Variants in OPCML observed in about 807,000 individuals in gnomAD.
OPCML encodes the protein opioid binding protein/cell adhesion molecule like.
In OPCML, 13 loss-of-function variants were observed where a neutral mutation model predicts 37.8. The ratio of observed to expected loss-of-function variants is 0.34; its 90% CI spans 0.22 to 0.55. The LOEUF is 0.55. Ranked by LOEUF, OPCML falls within the 20% of genes least tolerant of loss-of-function variation. The probability of loss-of-function intolerance (pLI) is 0.91; values close to 1 mark genes in which losing one functional copy is unlikely to be tolerated. For synonymous variants in OPCML, 176 were observed against 168.8 expected (o/e 1.04, Z -0.33); for missense variants, 341 against 435.6 (o/e 0.78, Z 1.93).
At chr11:133,502,564 A>G (rs1376347522) in intron 1 of OPCML, among the ~76,000 whole-genome samples, 1 of 152,200 alleles carries the variant, frequency 6.6e-6, no homozygotes, top group Non-Finnish European at 1.5e-5. Context: ...GCCTCTAAAC[A>G]TATACCTGTA....
chr11:133,010,330 T>C (rs1947191796), intron 1 of OPCML, among the ~76,000 whole-genome samples: 1 of 152,228 alleles, frequency 6.6e-6, no homozygotes, highest in Non-Finnish European at 1.5e-5. Flanking sequence ...TTGTCATTAT[T>C]AGATAAATGG....
rs547806320 is a variant in OPCML at position 132,543,225 on chromosome 11, T to C, written c.380-14039A>G. Reference sequence around the variant, plus strand: ...ATATAATTTTTAAACTATAAAATGGTATAGAACCAGGAGTGGTGGCTCACA... The same window carrying C: ...ATATAATTTTTAAACTATAAAATGGCATAGAACCAGGAGTGGTGGCTCACA... On this transcript the variant is annotated intron_variant, in intron 3 of 7. Transcript: ENST00000524381. Among the ~76,000 whole-genome samples, 41 of 152,322 alleles carry C rather than the reference T, an allele frequency of 2.7e-4. 1 individual carries two copies. The South Asian group carries it at 8.1e-3, about 30-fold the overall frequency.
chr11:132,680,331 A>G (rs532371792), intron 2 of OPCML, among the ~76,000 whole-genome samples: 2 of 152,284 alleles, frequency 1.3e-5, no homozygotes, highest in African/African-American at 2.4e-5. Flanking sequence ...TCTCTGAGTC[A>G]TCATCAGCAT....
intron 1 of OPCML, among the ~76,000 whole-genome samples, chr11:133,294,996 G>T (rs1942593633): frequency 6.6e-6 from 1 of 151,418 alleles, no homozygotes; most frequent in Non-Finnish European, 1.5e-5. Flanking sequence ...GCTAATTATT[G>T]TATTTTTAGT....
At chr11:133,340,643 T>C (rs1355846440) in intron 1 of OPCML, among the ~76,000 whole-genome samples, 1 of 142,934 alleles carries the variant, frequency 7.0e-6, no homozygotes, top group Non-Finnish European at 1.5e-5. Context: ...TGTGTGTGTG[T>C]GTGTGTAAGA....
chr11:133,026,027 G>A lies in OPCML; in HGVS notation c.62-83017C>T, dbSNP rs1048686011. 5 of 982,798 alleles carry A rather than the reference G, an allele frequency of 5.1e-6. No individual in the cohort carries two copies. In the South Asian group the frequency reaches 1.9e-4, roughly 37 times the overall value. The allele number at this position is 982,798 out of a possible 1,614,324, so 60.9% of individuals were successfully genotyped here. The stretch of plus-strand genomic sequence containing the variant: ...TGGGATTACAGACATGAGCCACCAC[G>A]CCCAGCCTAAATTTGATTTTTACTG... On this transcript the variant is annotated intron_variant, in intron 1 of 7. Coordinates refer to ENST00000524381, the MANE Select transcript of OPCML (RefSeq NM_001012393.5).
intron 1 of OPCML, among the ~76,000 whole-genome samples, chr11:133,289,920 TG>T (rs1170873522): frequency 1.3e-5 from 2 of 152,154 alleles, no homozygotes; most frequent in African/African-American, 4.8e-5. Flanking sequence ...ATTTCCCCCC[TG>T]GGCTGTTCTG....
chr11:132,718,110 A>C (rs1179580889), intron 2 of OPCML, among the ~76,000 whole-genome samples: 1 of 152,060 alleles, frequency 6.6e-6, no homozygotes, highest in Non-Finnish European at 1.5e-5. Flanking sequence ...CCAACAGCCA[A>C]CTCGGTATCT....
At position 133,408,631 on chromosome 11, in the gene OPCML, T is replaced by C. The variant is rs143058028; in HGVS notation, c.61+123633A>G. ...ACACGACACCACCCAGAGGCAGGGC[T>C]GCTCACACTCACCCCCACACTCACT... On this transcript the variant is annotated intron_variant, in intron 1 of 7. Coordinates refer to ENST00000524381, the MANE Select transcript of OPCML (RefSeq NM_001012393.5). 7.7e-4 allele frequency among the ~76,000 whole-genome samples: 117 copies of C among 151,948 alleles called. 4 individuals carry two copies. The East Asian group carries it at 0.019, about 25-fold the overall frequency.
chr11:133,182,957 G>T (rs1166935487), intron 1 of OPCML, among the ~76,000 whole-genome samples: 1 of 152,114 alleles, frequency 6.6e-6, no homozygotes, highest in Non-Finnish European at 1.5e-5. Context: ...AAACCACCAA[G>T]ATGAGGACTC....
At chr11:132,435,122 AG>A (rs1225431313) in intron 7 of OPCML, 1 of 1,176,602 alleles carries the variant, frequency 8.5e-7, no homozygotes, top group Admixed American at 2.3e-5. Context: ...ATAGGCATTC[AG>A]GCAGGCAGAG....
chr11:132,692,191 T>C (rs1368607308), intron 2 of OPCML, among the ~76,000 whole-genome samples: 1 of 151,606 alleles, frequency 6.6e-6, no homozygotes, highest in Admixed American at 6.6e-5. Flanking sequence ...GAAGATCAGG[T>C]TTGCCTTTTG....
intron 1 of OPCML, among the ~76,000 whole-genome samples, chr11:133,353,642 T>C (rs1944194544): frequency 6.6e-6 from 1 of 152,228 alleles, no homozygotes; most frequent in Non-Finnish European, 1.5e-5. Flanking sequence ...CTCACTGTCA[T>C]CTGCTCTGCC....
chr11:133,030,747 T>G (rs1283325180), intron 1 of OPCML, among the ~76,000 whole-genome samples: 1 of 152,164 alleles, frequency 6.6e-6, no homozygotes, highest in Admixed American at 6.5e-5. Context: ...TTGGAGATGA[T>G]TTCAATGCTC....
At chr11:132,890,883 A>AG (rs1943620674) in intron 2 of OPCML, among the ~76,000 whole-genome samples, 1 of 151,318 alleles carries the variant, frequency 6.6e-6, no homozygotes, top group Admixed American at 6.6e-5. Flanking sequence ...AGAAAAAAAA[A>AG]GAAAAGAAAA....
Position 132,650,737 on chromosome 11 carries a change from TAGGAGCCGAGCGC to T in OPCML, c.379+6337_379+6349del, listed in dbSNP as rs1941389060. Among the ~76,000 whole-genome samples, 5 of 152,292 alleles carry T rather than the reference TAGGAGCCGAGCGC, an allele frequency of 3.3e-5. No individual in the cohort carries two copies. In the South Asian group the frequency reaches 1.0e-3, roughly 32 times the overall value. ...TCTTGGAGATGCAGGCCTGCACTTT[TAGGAGCCGAGCGC>T]AGGGCTGAGGAGTGAGCATTCTGCT... On this transcript the variant is annotated intron_variant, in intron 3 of 7. Transcript: ENST00000524381.
intron 1 of OPCML, among the ~76,000 whole-genome samples, chr11:132,972,207 T>C (rs942823861): frequency 3.9e-5 from 6 of 152,154 alleles, no homozygotes; most frequent in African/African-American, 1.4e-4. Context: ...AGCTTCTTCG[T>C]TGTAAAACAG....
At chr11:132,523,230 C>T (rs936367357) in intron 4 of OPCML, among the ~76,000 whole-genome samples, 8 of 152,216 alleles carry the variant, frequency 5.3e-5, no homozygotes, top group African/African-American at 1.9e-4. Context: ...CTAACCTGAA[C>T]ATCTACCAGA....
At chr11:132,436,392 G>C in intron 6 of OPCML, 155 bp from the exon 7 acceptor site, 3 of 984,530 alleles carry the variant, frequency 3.0e-6, no homozygotes, top group Non-Finnish European at 3.6e-6. Flanking sequence ...CTTGCCCAAT[G>C]GGATAAATGT....
Sources: allele counts gnomAD v4.1 joint callset (sites outside exome capture counted in the v4.1 genomes callset), GRCh38; gene constraint gnomAD v4.1.1; transcripts MANE v1.5; gene names NCBI Gene and HGNC (gene_info 2026-07-23, HGNC 2026-07-21).